The following EPC2 variants were observed in gnomAD, a reference collection of about 807,000 sequenced individuals.
EPC2 encodes enhancer of polycomb homolog 2.
EPC2 carries 14 observed loss-of-function variants against 92.1 expected under a neutral mutation model. The ratio of observed to expected loss-of-function variants is 0.15; its 90% CI spans 0.10 to 0.24. EPC2 has a LOEUF of 0.24. EPC2 is among the 10% of genes least tolerant of loss of function. EPC2 has a pLI of 1.00. For synonymous variants in EPC2, 340 were observed against 334.7 expected, an observed-to-expected ratio of 1.02 and a Z score of -0.17; for missense variants, 755 against 971.5, an observed-to-expected ratio of 0.78 and a Z score of 2.96.
intron 2 of EPC2, chr2:148,691,428 T>G: frequency 1.5e-6 from 2 of 1,295,656 alleles, no homozygotes; most frequent in Non-Finnish European, 2.1e-6. Flanking sequence ...AGTCTGGTGA[T>G]TTGTATTTTT....
chr2:148,784,626 G>C (rs1016699044), intron 12 of EPC2, 42 bp from the exon 13 acceptor site: 24 of 1,331,834 alleles, frequency 1.8e-5, no homozygotes, highest in Middle Eastern at 1.9e-4. Context: ...TAGTTGTATT[G>C]ATGTCTCATG....
intron 10 of EPC2, among the ~76,000 whole-genome samples, chr2:148,777,361 A>G (rs1683666943): frequency 6.6e-6 from 1 of 152,172 alleles, no homozygotes; most frequent in South Asian, 2.1e-4. Flanking sequence ...TCCCAAGAAT[A>G]CATCTTAGCC....
At position 148,755,733 on chromosome 2, in the gene EPC2, C is replaced by T. The variant is rs536499683; in HGVS notation, c.666+1600C>T. Among the ~76,000 whole-genome samples the T allele has an allele frequency of 2.6e-5, 4 of 152,302 alleles. No individual in the cohort carries two copies. The East Asian group carries it at 7.7e-4, about 29-fold the overall frequency. ...TTTGTGCAACAAAGAAATTGCCTAA[C>T]AACACATTTCTCAGATCTTTATTTG... On this transcript the variant is annotated intron_variant, in intron 4 of 13. Coordinates refer to ENST00000258484, the MANE Select transcript of EPC2 (RefSeq NM_015630.4).
At chr2:148,660,658 C>T (rs1316990441) in intron 1 of EPC2, among the ~76,000 whole-genome samples, 1 of 151,314 alleles carries the variant, frequency 6.6e-6, no homozygotes, top group Non-Finnish European at 1.5e-5. Context: ...AGTTAATTAC[C>T]TCATTTTTTC....
chr2:148,784,541 C>A (rs754785838), intron 12 of EPC2, 127 bp from the exon 13 acceptor site: 32 of 696,888 alleles, frequency 4.6e-5, no homozygotes, highest in Non-Finnish European at 6.8e-5. Context: ...TTTGGAGAGA[C>A]CAGTGTGTGA....
intron 7 of EPC2, among the ~76,000 whole-genome samples, chr2:148,768,624 G>A (rs1335854223): frequency 1.3e-5 from 2 of 152,180 alleles, no homozygotes; most frequent in Non-Finnish European, 2.9e-5. Flanking sequence ...TTTGAAAAAT[G>A]AGTTGGGAGA....
intron 2 of EPC2, among the ~76,000 whole-genome samples, chr2:148,700,982 A>G (rs1681874748): frequency 6.6e-6 from 1 of 152,010 alleles, no homozygotes; most frequent in African/African-American, 2.4e-5. Context: ...GATCCTCTGC[A>G]TGTTTTGTTA....
chr2:148,739,638 C>T (rs573843950), intron 2 of EPC2, among the ~76,000 whole-genome samples: 2 of 152,184 alleles, frequency 1.3e-5, no homozygotes, highest in East Asian at 3.9e-4. Context: ...CACTTCCTTA[C>T]CTACACAGAA....
chr2:148,715,476 A>T (rs1682239167), intron 2 of EPC2, among the ~76,000 whole-genome samples: 1 of 152,218 alleles, frequency 6.6e-6, no homozygotes, highest in East Asian at 1.9e-4. Context: ...TTTATTAAAT[A>T]GGGAATTCTT....
At chr2:148,669,627 C>G (rs1049494443) in intron 1 of EPC2, among the ~76,000 whole-genome samples, 1 of 152,018 alleles carries the variant, frequency 6.6e-6, no homozygotes, top group Non-Finnish European at 1.5e-5. Flanking sequence ...GGCTGCAGTG[C>G]GCAGTGTTGG....
At position 148,787,547 on chromosome 2, in the gene EPC2, T is replaced by TA. The variant is rs1347038712; in HGVS notation, c.*1176dup. 6.6e-6 allele frequency: 1 copy of TA among 152,566 alleles called. No homozygotes were observed. 9.5% of individuals were successfully genotyped at this position (152,566 alleles called of 1,614,324 possible). On this transcript the variant is annotated 3_prime_UTR_variant, in exon 14 of 14. Coordinates refer to ENST00000258484, the MANE Select transcript of EPC2 (RefSeq NM_015630.4). ...TTGATAAGTGAAAACTGCAGGGAAA[T>TA]AAAAAATACATATCAAAACATGGAC...
Position 148,783,762 on chromosome 2 carries a change from G to T in EPC2, c.2017+6G>T. On this transcript the variant is annotated splice_donor_region_variant and intron_variant, in intron 12 of 13. Transcript: ENST00000258484. ...CGGTGTTGTCCAGCCTTCAGGTACA[G>T]CTGGGGTTTCACATGGTACCTACTT... is the stretch of plus-strand genomic sequence containing the variant. 6.3e-7 allele frequency: 1 copy of T among 1,584,630 alleles called. No individual in the cohort carries two copies. Among genetic ancestry groups the T allele is most frequent in the Admixed American group, 1.8e-5 (1 of 55,732 alleles).
chr2:148,732,720 A>G (rs2105398820), intron 2 of EPC2, among the ~76,000 whole-genome samples: 1 of 152,134 alleles, frequency 6.6e-6, no homozygotes, highest in East Asian at 1.9e-4. Flanking sequence ...GTAGTAGCCA[A>G]CCACTCTGAG....
At chr2:148,739,824 C>CTT (rs1374134053) in intron 2 of EPC2, among the ~76,000 whole-genome samples, 2 of 88,742 alleles carry the variant, frequency 2.3e-5, no homozygotes, top group Admixed American at 1.5e-4. Context: ...CTTTTCTTTT[C>CTT]TTCTTCTTCT....
chr2:148,678,870 G>T (rs1681333027), intron 1 of EPC2, among the ~76,000 whole-genome samples: 1 of 152,208 alleles, frequency 6.6e-6, no homozygotes, highest in African/African-American at 2.4e-5. Flanking sequence ...CTCCTCAAGT[G>T]CCGCCAAAGT....
chr2:148,710,549 C>T (rs1039774179), intron 2 of EPC2, among the ~76,000 whole-genome samples: 12 of 152,310 alleles, frequency 7.9e-5, no homozygotes, highest in Admixed American at 3.9e-4. Flanking sequence ...CACATGCATA[C>T]GTATGTTTAT....
intron 1 of EPC2, among the ~76,000 whole-genome samples, chr2:148,657,517 G>A (rs1029290198): frequency 6.6e-6 from 1 of 152,028 alleles, no homozygotes; most frequent in Non-Finnish European, 1.5e-5. Flanking sequence ...TCTAGAATAG[G>A]GCCTGGGAAT....
intron 2 of EPC2, among the ~76,000 whole-genome samples, chr2:148,736,921 G>A (rs555406033): frequency 4.0e-4 from 60 of 148,464 alleles, no homozygotes; most frequent in African/African-American, 1.3e-3. Flanking sequence ...GGAACATGGT[G>A]AAACCCCATT....
In EPC2 at chr2:148,645,149, G is replaced by C. The variant is rs1295779237; in HGVS notation, c.132G>C (p.Gly44=). 2.5e-6 allele frequency: 4 copies of C among 1,609,630 alleles called. No homozygotes were observed. Among genetic ancestry groups the C allele is most frequent in the South Asian group, 1.1e-5 (1 of 90,022 alleles). The change falls in exon 1 of 14, where the codon GGG becomes GGC. Residue 44 remains glycine (G), a synonymous_variant. Coordinates refer to ENST00000258484, the MANE Select transcript of EPC2 (RefSeq NM_015630.4). ...INRAVPQMPT[G]MEKEEESEHH... is the part of the protein sequence containing the mutation. ...GGGCCGTGCCCCAGATGCCCACCGG[G>C]ATGGAGAAGGAGGAGGAATCGGTAG...
Sources: allele counts gnomAD v4.1 joint callset (sites outside exome capture counted in the v4.1 genomes callset), GRCh38; gene constraint gnomAD v4.1.1; transcripts MANE v1.5; gene names NCBI Gene and HGNC (gene_info 2026-07-23, HGNC 2026-07-21).